Variants in FRMPD3 observed in about 807,000 individuals in gnomAD.
FRMPD3 encodes the protein FERM and PDZ domain-containing protein 3.
FRMPD3 carries 42 observed loss-of-function variants against 97.9 expected under a neutral mutation model. That is an observed-to-expected ratio of 0.43 (90% CI 0.34 to 0.55). The LOEUF (loss-of-function observed/expected upper bound fraction) is 0.55, where lower values mean the gene tolerates loss of function less well. Ranked by LOEUF, FRMPD3 falls within the 20% of genes least tolerant of loss-of-function variation. The pLI is 0.03. For missense variants in FRMPD3, 1,303 were observed against 1,457.7 expected, an observed-to-expected ratio of 0.89 and a Z score of 1.73; for synonymous variants, 577 against 581.1, an observed-to-expected ratio of 0.99 and a Z score of 0.10.
At chrX:107,470,842 A>T (rs1345056380) in intron 1 of FRMPD3, among the ~76,000 whole-genome samples, 5 of 112,302 alleles carry the variant, frequency 4.5e-5, no homozygotes, top group Middle Eastern at 4.2e-3. Flanking sequence ...GTGGTAGCCA[A>T]AAGTGTTGGG....
intron 1 of FRMPD3, among the ~76,000 whole-genome samples, chrX:107,470,940 G>A (rs762511832): frequency 2.8e-4 from 31 of 112,015 alleles, no homozygotes; most frequent in Non-Finnish European, 4.7e-4. Flanking sequence ...GAAGTCCTGG[G>A]ACCCTCCTAA....
chrX:107,545,570 G>A, intron 4 of FRMPD3, 167 bp from the exon 5 acceptor site: 1 of 414,702 alleles, frequency 2.4e-6, no homozygotes. Context: ...ACATAGGGAA[G>A]CATTTAGCAC....
chrX:107,481,778 G>A (rs1323713738), intron 1 of FRMPD3, among the ~76,000 whole-genome samples: 2 of 112,253 alleles, frequency 1.8e-5, no homozygotes, highest in Admixed American at 9.4e-5. Context: ...TGAGAACCAT[G>A]TTCCAAAATA....
rs780317766 is a variant in FRMPD3 at position 107,589,427 on chromosome X, C to T, written c.1442-7894C>T. 5.4e-5 allele frequency among the ~76,000 whole-genome samples: 6 copies of T among 111,190 alleles called. No individual in the cohort carries two copies. The East Asian group carries it at 1.4e-3, about 26-fold the overall frequency. The stretch of plus-strand genomic sequence containing the variant: ...GGTTCACTCCTGCACCTGGAGATGT[C>T]ACTCAAGGAGGCGCCTCCCTTGGCT... On this transcript the variant is annotated intron_variant, in intron 13 of 14. Transcript: ENST00000683843.
intron 12 of FRMPD3, among the ~76,000 whole-genome samples, chrX:107,572,902 C>CTAA (rs772673427): frequency 2.4e-3 from 245 of 102,524 alleles, no homozygotes; most frequent in South Asian, 5.4e-3. Flanking sequence ...ACTACTACTA[C>CTAA]TACTACTAAT....
At chrX:107,510,283 G>C (rs1445669910) in intron 1 of FRMPD3, among the ~76,000 whole-genome samples, 1 of 111,068 alleles carries the variant, frequency 9.0e-6, no homozygotes, top group African/African-American at 3.3e-5. Context: ...ACCTTAGTGA[G>C]TCAAGTCTGG....
In FRMPD3 at chrX:107,532,975, TC is replaced by T. The variant is rs1181080368; in HGVS notation, c.252-527del. On this transcript the variant is annotated intron_variant, in intron 3 of 14. Transcript: ENST00000683843. ...GAGAGTTTTGGCTTCCATCTGTTGC[TC>T]CCTGGCTCTCTTTTTTGGTCCCTCA... Among the ~76,000 whole-genome samples the T allele has an allele frequency of 2.7e-5, 3 of 111,954 alleles. No individual in the cohort carries two copies. The East Asian group carries it at 8.4e-4, about 31-fold the overall frequency.
intron 1 of FRMPD3, among the ~76,000 whole-genome samples, chrX:107,475,204 T>A (rs191293682): frequency 3.1e-3 from 344 of 111,689 alleles, no homozygotes; most frequent in Non-Finnish European, 4.3e-3. Flanking sequence ...TTCTCTCTCT[T>A]GTCCGGGTGT....
At position 107,602,142 on chromosome X, in the gene FRMPD3, G is replaced by A; in HGVS notation, c.4103G>A (p.Ser1368Asn). 8.3e-7 allele frequency: 1 copy of A among 1,211,128 alleles called. No homozygotes were observed. ...ESRECRSDPE[S>N]GVSCLTTCAS... ...CGAGAGTGCCGATCGGACCCTGAGA[G>A]TGGTGTTTCGTGCCTGACCACGTGT... is the stretch of plus-strand genomic sequence containing the variant. Residue 1368 changes from serine to asparagine, a missense_variant, in exon 15 of 15, where the codon AGT becomes AAT. Around this residue, in one of 3 missense-constraint regions of FRMPD3, gnomAD observed 764 missense variants for 820.2 expected, o/e 0.93. Coordinates refer to ENST00000683843, the MANE Select transcript of FRMPD3 (RefSeq NM_001388459.1).
rs59496282 is a variant in FRMPD3, at chrX:107,537,440, A to T, written c.297+3890A>T. On this transcript the variant is annotated intron_variant, in intron 4 of 14. Transcript: ENST00000683843. ...CTAGTTCTCAGTCTTGTGCTCTCTA[A>T]ATCCTTGGAGCATAGAAGTGGACGA... is the stretch of plus-strand genomic sequence containing the variant. Among the ~76,000 whole-genome samples, 761 of 111,708 alleles carry T rather than the reference A, an allele frequency of 6.8e-3. 4 individuals are homozygous for T. Among genetic ancestry groups the T allele is most frequent in the African/African-American group, 0.023 (713 of 30,722 alleles).
chrX:107,602,263 G>A lies in FRMPD3; in HGVS notation c.4224G>A (p.Leu1408=), dbSNP rs1211349438. The stretch of plus-strand genomic sequence containing the variant: ...TGGACCAGGGTGACAGGGCCTCGCT[G>A]ACCTCGGATGTCTACCCACATCCTC... ...SELDQGDRAS[L]TSDVYPHPPL... Residue 1408 remains leucine (L), a synonymous_variant, in exon 15 of 15, where the codon CTG becomes CTA. Coordinates refer to ENST00000683843, the MANE Select transcript of FRMPD3 (RefSeq NM_001388459.1). 8.3e-7 allele frequency: 1 copy of A among 1,206,371 alleles called. No homozygotes were observed. The highest frequency in any genetic ancestry group is 1.8e-5 in the African/African-American group (1 of 57,123).
intron 1 of FRMPD3, among the ~76,000 whole-genome samples, chrX:107,491,655 C>T (rs771631128): frequency 3.6e-5 from 4 of 112,115 alleles, no homozygotes; most frequent in East Asian, 2.8e-4. Flanking sequence ...AGAGCTCTCT[C>T]GGACCCATCT....
intron 8 of FRMPD3, among the ~76,000 whole-genome samples, chrX:107,556,103 A>G (rs1258011446): frequency 9.0e-6 from 1 of 111,502 alleles, no homozygotes; most frequent in African/African-American, 3.3e-5. Flanking sequence ...ACAGCACTTA[A>G]TGAGAGAAAA....
intron 4 of FRMPD3, among the ~76,000 whole-genome samples, chrX:107,541,580 T>C (rs1255983755): frequency 8.9e-6 from 1 of 112,709 alleles, no homozygotes; most frequent in East Asian, 2.8e-4. Flanking sequence ...GTGCCTATAA[T>C]TAACTGAATC....
chrX:107,475,200 C>T (rs1921168356), intron 1 of FRMPD3, among the ~76,000 whole-genome samples: 1 of 111,473 alleles, frequency 9.0e-6, no homozygotes, highest in South Asian at 3.8e-4. Context: ...ATTATTCTCT[C>T]TCTTGTCCGG....
At position 107,541,475 on chromosome X, in the gene FRMPD3, A is replaced by G. The variant is rs1470274438; in HGVS notation, c.298-4262A>G. ...CAGGACAAGGGTCAATGAGGACTGA[A>G]GTATAAACAAGCTGAAAATAACTCT... On this transcript the variant is annotated intron_variant, in intron 4 of 14. Transcript: ENST00000683843. Among the ~76,000 whole-genome samples, 29 of 112,816 alleles carry G rather than the reference A, an allele frequency of 2.6e-4. 1 individual carries two copies. Among genetic ancestry groups the G allele is most frequent in the Non-Finnish European group, 9.4e-5 (5 of 53,395 alleles).
chrX:107,527,225 C>G (rs754846091), intron 2 of FRMPD3, among the ~76,000 whole-genome samples: 3 of 111,831 alleles, frequency 2.7e-5, no homozygotes, highest in Non-Finnish European at 5.6e-5. Flanking sequence ...AAGATACAGA[C>G]CACAGGTGGG....
intron 13 of FRMPD3, among the ~76,000 whole-genome samples, chrX:107,581,709 C>G (rs948678347): frequency 9.0e-6 from 1 of 111,653 alleles, no homozygotes; most frequent in African/African-American, 3.3e-5. Flanking sequence ...TACTTTCAGT[C>G]TATAGCTTTG....
At chrX:107,593,905 C>A (rs1437798777) in intron 13 of FRMPD3, among the ~76,000 whole-genome samples, 1 of 110,888 alleles carries the variant, frequency 9.0e-6, no homozygotes, top group East Asian at 2.8e-4. Context: ...TTTTCTAGTT[C>A]TGTGAAAAAT....
Sources: allele counts gnomAD v4.1 joint callset (sites outside exome capture counted in the v4.1 genomes callset), GRCh38; gene constraint gnomAD v4.1.1; regional missense constraint gnomAD v4.1.1; transcripts MANE v1.5; gene names NCBI Gene and HGNC (gene_info 2026-07-23, HGNC 2026-07-21).